The following SNX27 variants were observed in gnomAD, a reference collection of about 807,000 sequenced individuals.
SNX27 encodes sorting nexin-27.
SNX27 carries 22 observed loss-of-function variants against 71.6 expected under a neutral mutation model. The observed-to-expected ratio is 0.31, with a 90% CI of 0.22 to 0.44. SNX27 has a LOEUF of 0.44. Ranked by LOEUF, SNX27 falls within the 20% of genes least tolerant of loss-of-function variation. The pLI is 1.00. For missense variants in SNX27, 531 were observed against 698.6 expected, an observed-to-expected ratio of 0.76 and a Z score of 2.70; for synonymous variants, 269 against 277.2, an observed-to-expected ratio of 0.97 and a Z score of 0.29.
chr1:151,683,261 A>G (rs1198670934), intron 7 of SNX27, 95 bp from the exon 8 acceptor site: 18 of 961,566 alleles, frequency 1.9e-5, no homozygotes, highest in Non-Finnish European at 2.8e-5. Flanking sequence ...TGGATAAGAG[A>G]TTTTCTGAAA....
At chr1:151,667,573 C>T (rs543455455) in intron 6 of SNX27, among the ~76,000 whole-genome samples, 20 of 142,882 alleles carry the variant, frequency 1.4e-4, no homozygotes, top group Admixed American at 4.9e-4. Context: ...CGCCTGTAAT[C>T]CCAGCACTTT....
At chr1:151,668,373 A>G (rs750763898) in intron 6 of SNX27, 99 bp from the exon 7 acceptor site, 53 of 1,112,872 alleles carry the variant, frequency 4.8e-5, no homozygotes, top group Non-Finnish European at 6.6e-5. Flanking sequence ...GTTCTGGTTA[A>G]TGATAACATA....
chr1:151,685,051 C>T (rs1032332347), intron 8 of SNX27, among the ~76,000 whole-genome samples: 7 of 152,002 alleles, frequency 4.6e-5, no homozygotes, highest in Admixed American at 1.3e-4. Context: ...TTGAGTGAAC[C>T]GCTTGCCTCA....
In SNX27 at chr1:151,694,589, A is replaced by G; in HGVS notation, c.*172A>G. Reference sequence around the variant, plus strand: ...CCCCCTCTGAATTTCATGTCTCTGGAATTGAGGTGGTAGTGAACAGCAGAT... The same window carrying G: ...CCCCCTCTGAATTTCATGTCTCTGGGATTGAGGTGGTAGTGAACAGCAGAT... On this transcript the variant is annotated 3_prime_UTR_variant, in exon 12 of 12. Transcript: ENST00000458013. 3.1e-6 allele frequency: 2 copies of G among 640,528 alleles called. No homozygotes were observed. The highest frequency in any genetic ancestry group is 5.0e-6 in the Non-Finnish European group (2 of 402,566). 39.7% of individuals were successfully genotyped at this position (640,528 alleles called of 1,614,324 possible).
chr1:151,672,363 A>G (rs1011384286), intron 7 of SNX27, among the ~76,000 whole-genome samples: 3 of 151,916 alleles, frequency 2.0e-5, no homozygotes, highest in African/African-American at 7.3e-5. Context: ...GCTCATGATG[A>G]TTTTTTAAAT....
Position 151,641,876 on chromosome 1 carries a change from T to G in SNX27, c.543+2757T>G, listed in dbSNP as rs181144719. Reference sequence around the variant, plus strand: ...ATATATCAGCTATAGATATATATGATATATATATCAGCTATAGATATATAT... The same window carrying G: ...ATATATCAGCTATAGATATATATGAGATATATATCAGCTATAGATATATAT... On this transcript the variant is annotated intron_variant, in intron 2 of 11. Coordinates refer to ENST00000458013, the MANE Select transcript of SNX27 (RefSeq NM_001330723.2). Among the ~76,000 whole-genome samples, 148 of 139,142 alleles carry G rather than the reference T, an allele frequency of 1.1e-3. 2 individuals are homozygous for G. Among genetic ancestry groups the G allele is most frequent in the African/African-American group, 3.5e-3 (125 of 36,222 alleles). The allele number at this position is 139,142 out of a possible 152,430, so 91.3% of individuals were successfully genotyped here. A position where few individuals can be genotyped will look rare whatever the true frequency, so the allele number is the denominator to read the frequency against.
At chr1:151,620,376 A>G (rs1220665862) in intron 1 of SNX27, among the ~76,000 whole-genome samples, 1 of 152,208 alleles carries the variant, frequency 6.6e-6, no homozygotes, top group South Asian at 2.1e-4. Flanking sequence ...GAAAATCACT[A>G]TTAGAATTAG....
intron 1 of SNX27, among the ~76,000 whole-genome samples, chr1:151,616,123 T>G (rs909698710): frequency 6.6e-6 from 1 of 152,228 alleles, no homozygotes; most frequent in Non-Finnish European, 1.5e-5. Flanking sequence ...ATACTGAGTG[T>G]TTTCCCTTTG....
chr1:151,657,459 A>G (rs1669748273), intron 2 of SNX27, among the ~76,000 whole-genome samples: 2 of 152,168 alleles, frequency 1.3e-5, no homozygotes, highest in Non-Finnish European at 2.9e-5. Flanking sequence ...GACGTGAGCC[A>G]CCGTGCCCAG....
intron 2 of SNX27, among the ~76,000 whole-genome samples, chr1:151,654,217 A>G (rs1669570499): frequency 6.6e-6 from 1 of 152,052 alleles, no homozygotes. Context: ...CTCTCTTTAC[A>G]TTCTTACCCC....
chr1:151,654,502 A>G (rs948362558), intron 2 of SNX27, among the ~76,000 whole-genome samples: 1 of 152,132 alleles, frequency 6.6e-6, no homozygotes, highest in Middle Eastern at 3.4e-3. Context: ...CCAGGGGTAT[A>G]GAGTATTTTA....
rs575450763 is a variant in SNX27, at chr1:151,670,464, A to C, written c.1149+1829A>C. Among the ~76,000 whole-genome samples, 240 of 152,272 alleles carry C rather than the reference A, an allele frequency of 1.6e-3. 4 individuals carry two copies. The highest frequency in any genetic ancestry group is 5.5e-3 in the African/African-American group (228 of 41,550). On this transcript the variant is annotated intron_variant, in intron 7 of 11. Transcript: ENST00000458013. ...GGTTCTATTTTTAGTTTTTTGAGGAACCTCCAAACTGCTCTCTGAGTGGTT... is the reference window on the plus strand; with the variant it reads ...GGTTCTATTTTTAGTTTTTTGAGGACCCTCCAAACTGCTCTCTGAGTGGTT...
At chr1:151,645,352 T>TG (rs1361825314) in intron 2 of SNX27, among the ~76,000 whole-genome samples, 1 of 152,230 alleles carries the variant, frequency 6.6e-6, no homozygotes, top group Non-Finnish European at 1.5e-5. Flanking sequence ...CATATTCTTC[T>TG]GGTTCTTTGT....
chr1:151,644,597 G>A lies in SNX27; in HGVS notation c.543+5478G>A, dbSNP rs189292536. ...TGAGCATTTGTGTACACGTTTTTGT[G>A]TAGATATGTGTTTTCATTTTTCTTG... On this transcript the variant is annotated intron_variant, in intron 2 of 11. Coordinates refer to ENST00000458013, the MANE Select transcript of SNX27 (RefSeq NM_001330723.2). Among the ~76,000 whole-genome samples the A allele has an allele frequency of 8.7e-4, 133 of 152,178 alleles. 1 individual carries two copies. The highest frequency in any genetic ancestry group is 1.6e-3 in the Non-Finnish European group (107 of 68,018).
chr1:151,658,211 T>C (rs1455839498), intron 2 of SNX27, 24 bp from the exon 3 acceptor site: 1 of 1,578,648 alleles, frequency 6.3e-7, no homozygotes, highest in East Asian at 2.2e-5. Flanking sequence ...AGTATGCTTT[T>C]CTTTTGTTCT....
At chr1:151,643,694 C>T (rs1190483676) in intron 2 of SNX27, among the ~76,000 whole-genome samples, 1 of 151,536 alleles carries the variant, frequency 6.6e-6, no homozygotes, top group South Asian at 2.1e-4. Flanking sequence ...GAGTTTCGCT[C>T]TTGTTGCTCA....
intron 1 of SNX27, among the ~76,000 whole-genome samples, chr1:151,626,899 A>G (rs1667971338): frequency 6.6e-6 from 1 of 152,130 alleles, no homozygotes; most frequent in South Asian, 2.1e-4. Context: ...TTGTTTTCTA[A>G]TACTGTAAAG....
intron 11 of SNX27, 81 bp from the exon 12 acceptor site, chr1:151,694,288 CT>C: frequency 6.5e-7 from 1 of 1,537,482 alleles, no homozygotes. Flanking sequence ...CCAGGCATAC[CT>C]TTTTAGCTTC....
chr1:151,625,758 C>A (rs1031877132), intron 1 of SNX27, among the ~76,000 whole-genome samples: 1 of 145,746 alleles, frequency 6.9e-6, no homozygotes, highest in South Asian at 2.2e-4. Flanking sequence ...GCACTCTATC[C>A]TGGCAACAGA....
Sources: gnomAD v4.1 joint callset for allele counts (sites outside exome capture counted in the v4.1 genomes callset) on GRCh38, gnomAD v4.1.1 for gene constraint, MANE v1.5 for transcripts, NCBI Gene and HGNC (gene_info 2026-07-23, HGNC 2026-07-21) for gene names.